Variants in SRGAP1 observed in about 807,000 individuals in gnomAD.
SRGAP1 encodes the protein SLIT-ROBO Rho GTPase-activating protein 1.
SRGAP1 carries 43 observed loss-of-function variants against 121.9 expected under a neutral mutation model. The ratio of observed to expected loss-of-function variants is 0.35; its 90% CI spans 0.28 to 0.46. The LOEUF is 0.46. SRGAP1 is among the 20% of genes least tolerant of loss of function. The pLI is 1.00. For synonymous variants in SRGAP1, 447 were observed against 485.4 expected, an observed-to-expected ratio of 0.92 and a Z score of 1.04; for missense variants, 1,102 against 1,350.9, an observed-to-expected ratio of 0.82 and a Z score of 2.89.
intron 7 of SRGAP1, 103 bp downstream of exon 7, chr12:64,063,241 T>C: frequency 9.3e-7 from 1 of 1,078,448 alleles, no homozygotes; most frequent in East Asian, 2.5e-5. Flanking sequence ...TTGTTTTCTC[T>C]CTCCTGTCCT....
intron 1 of SRGAP1, among the ~76,000 whole-genome samples, chr12:63,894,979 T>C (rs1486615183): frequency 6.6e-6 from 1 of 152,208 alleles, no homozygotes; most frequent in Non-Finnish European, 1.5e-5. Context: ...TTATAATCCT[T>C]TGGGTCTATA....
At chr12:63,874,506 A>C (rs1194345305) in intron 1 of SRGAP1, among the ~76,000 whole-genome samples, 1 of 152,148 alleles carries the variant, frequency 6.6e-6, no homozygotes, top group African/African-American at 2.4e-5. Flanking sequence ...CCCGGCCGAA[A>C]GTGTGACTTT....
At chr12:64,032,542 G>C in intron 4 of SRGAP1, 1 of 1,147,500 alleles carries the variant, frequency 8.7e-7, no homozygotes. Flanking sequence ...AGTGACCCAA[G>C]GCAGTGCCTT....
intron 1 of SRGAP1, among the ~76,000 whole-genome samples, chr12:63,856,150 T>C (rs901430940): frequency 6.6e-6 from 1 of 151,972 alleles, no homozygotes; most frequent in African/African-American, 2.4e-5. Flanking sequence ...CCCAGCTCCT[T>C]GGGAGGCTGA....
In SRGAP1 at chr12:64,091,295, A is replaced by G; in HGVS notation, c.1456A>G (p.Lys486Glu). ...MTTRPPNVPP[K>E]PQKHRKSRPR... Reference sequence around the variant, plus strand: ...CCTTAGGCCTCCAAATGTTCCCCCTAAGCCCCAGAAACACAGGAAGTCCAG... The same window carrying G: ...CCTTAGGCCTCCAAATGTTCCCCCTGAGCCCCAGAAACACAGGAAGTCCAG... Residue 486 changes from lysine (K) to glutamate (E), a missense_variant, in exon 12 of 22, where the codon AAG (lysine) becomes GAG (glutamate). Transcript: ENST00000355086. The G allele has an allele frequency of 6.2e-7, 1 of 1,608,338 alleles. No individual in the cohort carries two copies. The highest frequency in any genetic ancestry group is 2.2e-5 in the East Asian group (1 of 44,718).
intron 4 of SRGAP1, among the ~76,000 whole-genome samples, chr12:64,034,342 GTT>G (rs1052615934): frequency 1.3e-5 from 2 of 152,124 alleles, no homozygotes; most frequent in African/African-American, 4.8e-5. Flanking sequence ...ATGATTGTAA[GTT>G]TCCTGAAGCC....
intron 3 of SRGAP1, among the ~76,000 whole-genome samples, chr12:63,992,198 C>A (rs986027064): frequency 3.3e-5 from 5 of 152,190 alleles, no homozygotes; most frequent in African/African-American, 1.2e-4. Context: ...GGACTTTGTA[C>A]GTCTTGCTAA....
intron 1 of SRGAP1, among the ~76,000 whole-genome samples, chr12:63,954,252 C>T (rs2032386364): frequency 6.6e-6 from 1 of 152,208 alleles, no homozygotes; most frequent in African/African-American, 2.4e-5. Context: ...ATTAAGATCA[C>T]AGAAAAGTTA....
intron 1 of SRGAP1, among the ~76,000 whole-genome samples, chr12:63,908,155 T>C (rs973890782): frequency 1.3e-5 from 2 of 152,288 alleles, no homozygotes; most frequent in South Asian, 2.1e-4. Context: ...TTTAACTTTG[T>C]TCTTTTCAAG....
intron 15 of SRGAP1, among the ~76,000 whole-genome samples, chr12:64,104,279 G>A (rs1268281625): frequency 6.6e-6 from 1 of 151,916 alleles, no homozygotes; most frequent in African/African-American, 2.4e-5. Flanking sequence ...TGCATTGCTG[G>A]GAAAAAAACA....
intron 1 of SRGAP1, among the ~76,000 whole-genome samples, chr12:63,962,031 A>C (rs1040917299): frequency 6.6e-6 from 1 of 152,180 alleles, no homozygotes; most frequent in Admixed American, 6.5e-5. Context: ...CAGAACTTCA[A>C]GTCACCTAAT....
At chr12:63,946,040 T>C (rs1413944669) in intron 1 of SRGAP1, among the ~76,000 whole-genome samples, 1 of 151,204 alleles carries the variant, frequency 6.6e-6, no homozygotes, top group Admixed American at 6.6e-5. Context: ...CTTTATCTTT[T>C]CAGGATCTTC....
chr12:63,896,380 A>G (rs994225305), intron 1 of SRGAP1, among the ~76,000 whole-genome samples: 1 of 152,174 alleles, frequency 6.6e-6, no homozygotes, highest in Non-Finnish European at 1.5e-5. Context: ...TACTAGAGGG[A>G]CACTTTCTTA....
chr12:64,011,096 G>T (rs896538021), intron 3 of SRGAP1, among the ~76,000 whole-genome samples: 1 of 151,960 alleles, frequency 6.6e-6, no homozygotes, highest in African/African-American at 2.4e-5. Context: ...GGAAAGCGGG[G>T]CCTGAGACTT....
intron 4 of SRGAP1, among the ~76,000 whole-genome samples, chr12:64,018,560 A>G (rs998061093): frequency 4.6e-5 from 7 of 152,202 alleles, no homozygotes; most frequent in African/African-American, 1.7e-4. Context: ...AAACTTTTAT[A>G]AAATGATTCT....
intron 8 of SRGAP1, among the ~76,000 whole-genome samples, chr12:64,066,762 A>C (rs1217362620): frequency 6.6e-5 from 10 of 152,188 alleles, no homozygotes. Flanking sequence ...TTTCCAAAGG[A>C]AAGCTATTGC....
chr12:63,858,810 C>T (rs1025820517), intron 1 of SRGAP1, among the ~76,000 whole-genome samples: 3 of 152,162 alleles, frequency 2.0e-5, no homozygotes, highest in African/African-American at 7.2e-5. Context: ...TCAAGCGATT[C>T]TCCTGCCTCA....
rs2136537122 is a variant in SRGAP1, at chr12:64,063,233, GTT to G, written c.1023+98_1023+99del. The G allele has an allele frequency of 6.0e-6, 7 of 1,162,220 alleles. No homozygotes were observed. In the East Asian group the frequency reaches 1.7e-4, roughly 28 times the overall value. The allele number at this position is 1,162,220 out of a possible 1,614,324, so 72.0% of individuals were successfully genotyped here. On this transcript the variant is annotated intron_variant, in intron 7 of 21. Transcript: ENST00000355086. ...CTAACAGTTGTAATAATTCCCAGTT[GTT>G]TTCTCTCTCCTGTCCTTGCAGAGGC... is the stretch of plus-strand genomic sequence containing the variant.
intron 8 of SRGAP1, among the ~76,000 whole-genome samples, chr12:64,075,425 T>C (rs528550358): frequency 6.6e-6 from 1 of 152,356 alleles, no homozygotes; most frequent in Admixed American, 6.5e-5. Context: ...GTGGGTGTTA[T>C]GGCCATCATG....
Sources: allele counts gnomAD v4.1 joint callset (sites outside exome capture counted in the v4.1 genomes callset), GRCh38; gene constraint gnomAD v4.1.1; transcripts MANE v1.5; gene names NCBI Gene and HGNC (gene_info 2026-07-23, HGNC 2026-07-21).